The following MYCBP variants were observed in gnomAD, a reference collection of about 807,000 sequenced individuals.
MYCBP encodes the protein MYC binding protein.
In MYCBP, 5 loss-of-function variants were observed where a neutral mutation model predicts 16.8. The ratio of observed to expected loss-of-function variants is 0.30; its 90% CI spans 0.16 to 0.63. The LOEUF is 0.63. Among genes scored for constraint, MYCBP ranks in the 20% least tolerant of loss-of-function variants. MYCBP has a pLI of 0.83. For synonymous variants in MYCBP, 35 were observed against 43.7 expected (o/e 0.80, Z 0.79); for missense variants, 103 against 121.8 (o/e 0.85, Z 0.73).
chr1:38,871,245 C>G (rs941077839), intron 2 of MYCBP, among the ~76,000 whole-genome samples: 4 of 152,058 alleles, frequency 2.6e-5, no homozygotes, highest in Admixed American at 2.0e-4. Context: ...TCAGTTACCG[C>G]CTACAACTGT....
At position 38,863,160 on chromosome 1, in the gene MYCBP, T is replaced by C. The variant is rs1642274579; in HGVS notation, c.*1510A>G. ...AAATCTATGCAAGGGAATGATCTTC[T>C]GGACCCCCTCCAAAAACAAACTTGT... On this transcript the variant is annotated 3_prime_UTR_variant, in exon 5 of 5. Transcript: ENST00000397572. 6.6e-6 allele frequency: 1 copy of C among 152,228 alleles called. No individual in the cohort carries two copies. The highest frequency in any genetic ancestry group is 2.1e-4 in the South Asian group (1 of 4,832). 9.4% of individuals were successfully genotyped at this position (152,228 alleles called of 1,614,324 possible). A position where few individuals can be genotyped will look rare whatever the true frequency, so the allele number is the denominator to read the frequency against.
chr1:38,866,856 T>A, intron 4 of MYCBP, 24 bp downstream of exon 4: 1 of 1,451,064 alleles, frequency 6.9e-7, no homozygotes, highest in Non-Finnish European at 9.3e-7. Flanking sequence ...ATTATTTGAA[T>A]ATGAATTCTT....
At position 38,864,499 on chromosome 1, in the gene MYCBP, A is replaced by G. The variant is rs1642296973; in HGVS notation, c.*171T>C. The G allele has an allele frequency of 8.6e-6, 6 of 701,242 alleles. No homozygotes were observed. The highest frequency in any genetic ancestry group is 1.4e-5 in the Non-Finnish European group (6 of 417,528). 43.4% of individuals were successfully genotyped at this position (701,242 alleles called of 1,614,324 possible). A position where few individuals can be genotyped will look rare whatever the true frequency, so the allele number is the denominator to read the frequency against. On this transcript the variant is annotated 3_prime_UTR_variant, in exon 5 of 5. Transcript: ENST00000397572. ...TTCTCCTGCTTTAAGACCCAAAGAA[A>G]GTTATATTGAGTTTTTATTGATGAT...
chr1:38,869,861 C>G (rs1278247423), intron 2 of MYCBP, among the ~76,000 whole-genome samples: 1 of 83,688 alleles, frequency 1.2e-5, no homozygotes, highest in Non-Finnish European at 2.4e-5. Context: ...GGCAACACCC[C>G]AACTCTACAA....
At position 38,870,239 on chromosome 1, in the gene MYCBP, T is replaced by C. The variant is rs529069762; in HGVS notation, c.89-2629A>G. The stretch of plus-strand genomic sequence containing the variant: ...GTGCGTGCCTGTAGTCTCAGCTACT[T>C]GGGTGCCTGAGGTGGGAGAATTGCT... On this transcript the variant is annotated intron_variant, in intron 2 of 4. Transcript: ENST00000397572. 6.6e-5 allele frequency among the ~76,000 whole-genome samples: 10 copies of C among 151,518 alleles called. No homozygotes were observed. In the South Asian group the frequency reaches 1.7e-3, roughly 25 times the overall value.
Position 38,864,065 on chromosome 1 carries a change from A to C in MYCBP, c.*605T>G, listed in dbSNP as rs1363911361. Reference sequence around the variant, plus strand: ...GACCCACTAAAGCTCAGAGGAAAGCAATGCAAGATTATCAGACAGGCATGA... The same window carrying C: ...GACCCACTAAAGCTCAGAGGAAAGCCATGCAAGATTATCAGACAGGCATGA... On this transcript the variant is annotated 3_prime_UTR_variant, in exon 5 of 5. Transcript: ENST00000397572. The C allele has an allele frequency of 1.3e-5, 2 of 153,166 alleles. No individual in the cohort carries two copies. Among genetic ancestry groups the C allele is most frequent in the Non-Finnish European group, 2.9e-5 (2 of 68,422 alleles). The allele number at this position is 153,166 out of a possible 1,614,324, so 9.5% of individuals were successfully genotyped here.
chr1:38,869,220 CTGGGA>C lies in MYCBP; in HGVS notation c.89-1615_89-1611del, dbSNP rs1642407630. Among the ~76,000 whole-genome samples, 5 of 151,916 alleles carry C rather than the reference CTGGGA, an allele frequency of 3.3e-5. No individual in the cohort carries two copies. In the South Asian group the frequency reaches 1.0e-3, roughly 32 times the overall value. Reference sequence around the variant, plus strand: ...TCTCCTGCCTCAGCCTCTCTAGTAGCTGGGATAACAGGCATGTGCCACCATGCCCG... The same window carrying C: ...TCTCCTGCCTCAGCCTCTCTAGTAGCTAACAGGCATGTGCCACCATGCCCG... On this transcript the variant is annotated intron_variant, in intron 2 of 4. Transcript: ENST00000397572.
intron 2 of MYCBP, among the ~76,000 whole-genome samples, chr1:38,872,122 T>C (rs1642478918): frequency 6.6e-6 from 1 of 152,228 alleles, no homozygotes; most frequent in African/African-American, 2.4e-5. Flanking sequence ...CCTAGAATTT[T>C]CCTCTAAACT....
rs1642354414 is a variant in MYCBP at position 38,866,932 on chromosome 1, A to G, written c.215T>C (p.Met72Thr). Residue 72 changes from methionine (M) to threonine (T), a missense_variant, in exon 4 of 5, where the codon ATG becomes ACG. Transcript: ENST00000397572. Reference protein sequence around the residue: ...IELLRLELAEMKEKYEAIVEE... With the variant: ...IELLRLELAETKEKYEAIVEE... ...TACAATAGCTTCATACTTCTCTTTC[A>G]TTTCGGCCAGTTCTAGGCGAAGCAG... 20 of 1,593,770 alleles carry G rather than the reference A, an allele frequency of 1.3e-5. No homozygotes were observed. The highest frequency in any genetic ancestry group is 1.7e-5 in the Non-Finnish European group (20 of 1,172,388).
chr1:38,866,749 G>A, intron 4 of MYCBP, 131 bp downstream of exon 4: 1 of 795,896 alleles, frequency 1.3e-6, no homozygotes, highest in Non-Finnish European at 1.9e-6. Context: ...CATAACTTTG[G>A]CCTTACATTG....
rs778206187 is a variant in MYCBP at position 38,864,681 on chromosome 1, G to A, written c.301C>T (p.Arg101Cys). ...AACTGAGAAGAATCCTATTCAGCAC[G>A]CTTCTCCTCCTGAGGTGGTTCATAC... is the stretch of plus-strand genomic sequence containing the variant. ...AQYEPPQEEK[R>C]AE Residue 101 changes from arginine (R) to cysteine (C), a missense_variant, in exon 5 of 5, where the codon CGT becomes TGT. Transcript: ENST00000397572. 13 of 1,613,692 alleles carry A rather than the reference G, an allele frequency of 8.1e-6. No homozygotes were observed. Among genetic ancestry groups the A allele is most frequent in the Admixed American group, 5.0e-5 (3 of 59,990 alleles).
At chr1:38,871,678 G>A (rs1208558710) in intron 2 of MYCBP, among the ~76,000 whole-genome samples, 1 of 151,434 alleles carries the variant, frequency 6.6e-6, no homozygotes, top group African/African-American at 2.4e-5. Context: ...CTCCCAAAGT[G>A]CTGAGATTAC....
chr1:38,865,940 C>T (rs1473320102), intron 4 of MYCBP, among the ~76,000 whole-genome samples: 1 of 151,486 alleles, frequency 6.6e-6, no homozygotes, highest in African/African-American at 2.4e-5. Context: ...CCATATTGGC[C>T]TACTTAAAAT....
In MYCBP at chr1:38,871,154, T is replaced by C. The variant is rs187116290; in HGVS notation, c.88+1864A>G. 1.3e-3 allele frequency among the ~76,000 whole-genome samples: 194 copies of C among 152,218 alleles called. 1 individual carries two copies. Among genetic ancestry groups the C allele is most frequent in the Non-Finnish European group, 1.8e-3 (121 of 68,004 alleles). On this transcript the variant is annotated intron_variant, in intron 2 of 4. Transcript: ENST00000397572. ...TACTTGGAAGGCTGAGGCAACACAATCGCTTGAACCCGGAGGTGGAGGTTG... is the reference window on the plus strand; with the variant it reads ...TACTTGGAAGGCTGAGGCAACACAACCGCTTGAACCCGGAGGTGGAGGTTG...
rs200828601 is a variant in MYCBP at position 38,873,315 on chromosome 1, G to A, written c.-10C>T. 1.7e-5 allele frequency: 27 copies of A among 1,601,540 alleles called. No homozygotes were observed. The Admixed American group carries it at 1.8e-4, about 11-fold the overall frequency. On this transcript the variant is annotated 5_prime_UTR_variant, in exon 1 of 5. Coordinates refer to ENST00000397572, the MANE Select transcript of MYCBP (RefSeq NM_012333.5). ...CTTTGTAATGGGCCATAGTGACAGC[G>A]GCAGCGGCGTAGCTGGCGCCGGAGA... is the stretch of plus-strand genomic sequence containing the variant.
In MYCBP at chr1:38,866,954, G is replaced by C. The variant is rs1265224378; in HGVS notation, c.193C>G (p.Leu65Val). 6.2e-7 allele frequency: 1 copy of C among 1,609,678 alleles called. No homozygotes were observed. The highest frequency in any genetic ancestry group is 1.7e-5 in the Admixed American group (1 of 59,484). Residue 65 changes from leucine to valine, a missense_variant, in exon 4 of 5, where the codon CTT becomes GTT. By Grantham distance (32) the Leu-to-Val change is conservative. Coordinates refer to ENST00000397572, the MANE Select transcript of MYCBP (RefSeq NM_012333.5). ...ATPENPEIELLRLELAEMKEK... is the reference protein window; with the variant it reads ...ATPENPEIELVRLELAEMKEK... ...TTCATTTCGGCCAGTTCTAGGCGAA[G>C]CAGCTCTATTTCTGGATTTTCTGGA... is the stretch of plus-strand genomic sequence containing the variant.
rs1456149000 is a variant in MYCBP, at chr1:38,862,675, T to A, written c.*1995A>T. Reference sequence around the variant, plus strand: ...TATTCATCCAAATCCTTGACAGAAATGTTGAAGAGGACCTCTAGAGGCTAA... The same window carrying A: ...TATTCATCCAAATCCTTGACAGAAAAGTTGAAGAGGACCTCTAGAGGCTAA... On this transcript the variant is annotated 3_prime_UTR_variant, in exon 5 of 5. Transcript: ENST00000397572. Among the ~76,000 whole-genome samples, 10 of 152,196 alleles carry A rather than the reference T, an allele frequency of 6.6e-5. No individual in the cohort carries two copies. The highest frequency in any genetic ancestry group is 1.5e-4 in the Non-Finnish European group (10 of 68,038).
intron 3 of MYCBP, 44 bp from the exon 4 acceptor site, chr1:38,867,053 C>T (rs1453207030): frequency 6.5e-7 from 1 of 1,548,972 alleles, no homozygotes; most frequent in East Asian, 2.2e-5. Flanking sequence ...ATGAATGAAA[C>T]TAATGAAATA....
chr1:38,873,103 CG>C lies in MYCBP; in HGVS notation c.16-14del. ...TCGAGTCGGCGGCCTGAAGAGACAC[CG>C]GGGGTCAGTGGCCAGAGCCCGGGAG... On this transcript the variant is annotated splice_polypyrimidine_tract_variant and intron_variant, in intron 1 of 4. Coordinates refer to ENST00000397572, the MANE Select transcript of MYCBP (RefSeq NM_012333.5). The C allele has an allele frequency of 6.4e-7, 1 of 1,557,114 alleles. No homozygotes were observed. The highest frequency in any genetic ancestry group is 8.7e-7 in the Non-Finnish European group (1 of 1,150,448).
Sources: gnomAD v4.1 joint callset for allele counts (sites outside exome capture counted in the v4.1 genomes callset) on GRCh38, gnomAD v4.1.1 for gene constraint, MANE v1.5 for transcripts, NCBI Gene and HGNC (gene_info 2026-07-23, HGNC 2026-07-21) for gene names.